Variants in NHSL1 observed in about 807,000 individuals in gnomAD.
The protein encoded by NHSL1 is NHS like 1.
A neutral mutation model predicts 95.0 loss-of-function variants in NHSL1; 48 were observed. The ratio of observed to expected loss-of-function variants is 0.51; its 90% CI spans 0.40 to 0.64. The LOEUF (loss-of-function observed/expected upper bound fraction) is 0.64. NHSL1 is among the 30% of genes least tolerant of loss of function. The pLI, the probability that NHSL1 is intolerant of heterozygous loss-of-function variation, is 0.00. For synonymous variants in NHSL1, 783 were observed against 833.9 expected (o/e 0.94, Z 1.05); for missense variants, 1,971 against 2,077.7 (o/e 0.95, Z 1.00).
upstream of NHSL1, among the ~76,000 whole-genome samples, chr6:138,500,940 A>G (rs542147887): frequency 6.6e-6 from 1 of 152,350 alleles, no homozygotes; most frequent in East Asian, 1.9e-4. Context: ...CAAATGAGAA[A>G]CGACTGAGCC....
At chr6:138,657,320 G>A (rs772811564) in intron 1 of NHSL1, among the ~76,000 whole-genome samples, 4 of 152,116 alleles carry the variant, frequency 2.6e-5, no homozygotes, top group Non-Finnish European at 5.9e-5. Context: ...TAGTAAGAAT[G>A]ATCAAACATG....
At chr6:138,574,129 C>T (rs1011379180), upstream of NHSL1, among the ~76,000 whole-genome samples, 1 of 152,106 alleles carries the variant, frequency 6.6e-6, no homozygotes, top group African/African-American at 2.4e-5. Flanking sequence ...GACAGGGTTT[C>T]ACCGTGTTAG....
chr6:138,433,276 G>A lies in NHSL1; in HGVS notation c.1069C>T (p.Gln357Ter). 1 of 1,551,544 alleles carries A rather than the reference G, an allele frequency of 6.4e-7. No individual in the cohort carries two copies. Among genetic ancestry groups the A allele is most frequent in the South Asian group, 1.2e-5 (1 of 84,036 alleles). The change falls in exon 6 of 8, where the codon CAG becomes TAG. Residue 357 changes from glutamine to a stop codon, truncating the protein, a stop_gained. Transcript: ENST00000343505. LOFTEE classifies it high-confidence loss of function. ...TCATCTGCTTGTGGGTGACCTCTCT[G>A]GTAGAGGAAAGTGCCATTCATGTCT... is the stretch of plus-strand genomic sequence containing the variant. The part of the protein sequence containing the change: ...AGDMNGTFLY[Q>*]RGHPQADENL...
intron 1 of NHSL1, among the ~76,000 whole-genome samples, chr6:138,596,221 G>A (rs1475096982): frequency 1.3e-5 from 2 of 152,114 alleles, no homozygotes; most frequent in East Asian, 1.9e-4. Flanking sequence ...GAAACCCACT[G>A]GACATCAGGA....
chr6:138,489,985 GGAGA>G (rs145500008), intron 2 of NHSL1, among the ~76,000 whole-genome samples: 1,267 of 96,600 alleles, frequency 0.013, 77 homozygotes, highest in African/African-American at 0.051. Context: ...GGGGAGAGGG[GGAGA>G]GAGAGAGAGA....
At chr6:138,610,367 A>G (rs969826485) in intron 1 of NHSL1, among the ~76,000 whole-genome samples, 1 of 151,880 alleles carries the variant, frequency 6.6e-6, no homozygotes, top group Non-Finnish European at 1.5e-5. Context: ...AGGGTGGGGA[A>G]CATCACACAC....
upstream of NHSL1, among the ~76,000 whole-genome samples, chr6:138,548,860 G>A (rs140664817): frequency 1.3e-4 from 19 of 151,048 alleles, no homozygotes; most frequent in African/African-American, 4.6e-4. Context: ...AATTAATAAT[G>A]ATCAATGGTA....
chr6:138,583,706 A>G (rs1784093397), intron 1 of NHSL1, among the ~76,000 whole-genome samples: 1 of 152,168 alleles, frequency 6.6e-6, no homozygotes, highest in South Asian at 2.1e-4. Flanking sequence ...CTCTCTCCTG[A>G]CAGATGAACT....
chr6:138,483,872 C>T (rs1050613677), intron 2 of NHSL1, among the ~76,000 whole-genome samples: 28 of 152,144 alleles, frequency 1.8e-4, no homozygotes, highest in African/African-American at 6.8e-4. Context: ...CAGTAGCGTG[C>T]TTGAAGGGGT....
chr6:138,562,436 C>T (rs1287905019), intron 1 of NHSL1, among the ~76,000 whole-genome samples: 1 of 152,114 alleles, frequency 6.6e-6, no homozygotes, highest in Non-Finnish European at 1.5e-5. Context: ...CACCTGAGGT[C>T]AGGAGTTTGA....
chr6:138,511,181 G>A (rs1411168898), intron 1 of NHSL1, among the ~76,000 whole-genome samples: 1 of 152,134 alleles, frequency 6.6e-6, no homozygotes, highest in Non-Finnish European at 1.5e-5. Flanking sequence ...AAATAACAAT[G>A]GCATTCTTCA....
chr6:138,445,237 TTCTTA>T (rs1168150286), intron 4 of NHSL1, among the ~76,000 whole-genome samples: 1 of 152,220 alleles, frequency 6.6e-6, no homozygotes, highest in Non-Finnish European at 1.5e-5. Flanking sequence ...TTGCACAATC[TTCTTA>T]TCTTATAATA....
intron 1 of NHSL1, among the ~76,000 whole-genome samples, chr6:138,516,792 G>T (rs1781478954): frequency 2.0e-5 from 3 of 151,984 alleles, no homozygotes; most frequent in Admixed American, 2.0e-4. Context: ...ATGCCACCAT[G>T]CCCGGTTAAT....
intron 1 of NHSL1, among the ~76,000 whole-genome samples, chr6:138,554,881 C>G (rs1200014478): frequency 6.6e-6 from 1 of 152,188 alleles, no homozygotes; most frequent in Non-Finnish European, 1.5e-5. Context: ...ACTGCCAAGG[C>G]TTCTGAGTCG....
At chr6:138,644,108 T>G (rs752304771) in intron 1 of NHSL1, among the ~76,000 whole-genome samples, 2 of 152,122 alleles carry the variant, frequency 1.3e-5, no homozygotes, top group Non-Finnish European at 2.9e-5. Context: ...CAAAACTTAC[T>G]TCTCAAATTT....
At chr6:138,539,463 C>T (rs1462087188) in intron 1 of NHSL1, among the ~76,000 whole-genome samples, 1 of 152,162 alleles carries the variant, frequency 6.6e-6, no homozygotes, top group African/African-American at 2.4e-5. Context: ...ATCACCTTTT[C>T]TAATGCATGT....
rs201064056 is a variant in NHSL1 at position 138,523,302 on chromosome 6, TTTTTA to T, written c.16+22316_16+22320del. Among the ~76,000 whole-genome samples the T allele has an allele frequency of 6.2e-3, 941 of 152,130 alleles. 22 individuals carry two copies. The highest frequency in any genetic ancestry group is 0.048 in the Admixed American group (730 of 15,268). The stretch of plus-strand genomic sequence containing the variant: ...AATTAAAGAGAGTTTTTAAATTTTG[TTTTTA>T]TTTTATTTTATTATGTTTTAGAAAT... On this transcript the variant is annotated intron_variant, in intron 1 of 4. Transcript: ENST00000342260.
At chr6:138,649,156 G>T (rs1785056172) in intron 1 of NHSL1, among the ~76,000 whole-genome samples, 1 of 152,060 alleles carries the variant, frequency 6.6e-6, no homozygotes, top group South Asian at 2.1e-4. Flanking sequence ...CAGAATCAGT[G>T]GAAAGACAAG....
intron 1 of NHSL1, among the ~76,000 whole-genome samples, chr6:138,614,553 C>A (rs1489254861): frequency 1.3e-5 from 2 of 152,216 alleles, no homozygotes; most frequent in Non-Finnish European, 2.9e-5. Context: ...CCACTGAATC[C>A]TTTCAATGAC....
Sources: allele counts gnomAD v4.1 joint callset (sites outside exome capture counted in the v4.1 genomes callset), GRCh38; gene constraint gnomAD v4.1.1; transcripts MANE v1.5; gene names NCBI Gene and HGNC (gene_info 2026-07-23, HGNC 2026-07-21).